Variants in OSBPL9 observed in about 807,000 individuals in gnomAD.
OSBPL9 encodes oxysterol-binding protein-related protein 9.
OSBPL9 carries 40 observed loss-of-function variants against 106.6 expected under a neutral mutation model. The ratio of observed to expected loss-of-function variants is 0.38; its 90% confidence interval spans 0.29 to 0.49. The LOEUF is 0.49. Ranked by LOEUF, OSBPL9 falls within the 20% of genes least tolerant of loss-of-function variation. OSBPL9 has a pLI of 0.97. For synonymous variants in OSBPL9, 269 were observed against 295.4 expected, an observed-to-expected ratio of 0.91 and a Z score of 0.92; for missense variants, 609 against 887.2, an observed-to-expected ratio of 0.69 and a Z score of 3.98.
At chr1:51,524,998 C>G in the OSBPL9 span, among the ~76,000 whole-genome samples, 12 of 152,340 alleles carry the variant, frequency 7.9e-5, no homozygotes, top group Admixed American at 2.0e-4. Context: ...AATCACAAGG[C>G]AAGTCAGAGG....
upstream of OSBPL9, among the ~76,000 whole-genome samples, chr1:51,572,794 T>C (rs1645158195): frequency 6.6e-6 from 1 of 152,254 alleles, no homozygotes; most frequent in African/African-American, 2.4e-5. Context: ...ACTCCTGTTA[T>C]TCAATGAATG....
chr1:51,680,234 A>G (rs1440490455), intron 3 of OSBPL9, among the ~76,000 whole-genome samples: 32 of 151,208 alleles, frequency 2.1e-4, no homozygotes, highest in Admixed American at 2.1e-3. Context: ...CAGCCTGGGC[A>G]ACAGAGTGAG....
intron 6 of OSBPL9, among the ~76,000 whole-genome samples, chr1:51,747,789 T>C (rs1175151877): frequency 1.3e-5 from 2 of 152,072 alleles, no homozygotes; most frequent in African/African-American, 4.8e-5. Flanking sequence ...TTTTTTGTTG[T>C]TGTTTTTTGT....
At chr1:51,748,065 C>T (rs545798265) in intron 6 of OSBPL9, among the ~76,000 whole-genome samples, 2 of 152,142 alleles carry the variant, frequency 1.3e-5, no homozygotes, top group South Asian at 2.1e-4. Context: ...CTGGGATTAC[C>T]GGCTCAAGCC....
the OSBPL9 span, among the ~76,000 whole-genome samples, chr1:51,531,040 G>A: frequency 6.6e-6 from 1 of 152,054 alleles, no homozygotes; most frequent in Admixed American, 6.6e-5. Flanking sequence ...TTGGGAGGCC[G>A]AGACAGGCAG....
intron 1 of OSBPL9, among the ~76,000 whole-genome samples, chr1:51,628,079 G>A (rs1305305768): frequency 1.4e-5 from 2 of 146,480 alleles, no homozygotes; most frequent in African/African-American, 5.1e-5. Context: ...TTTTTGGAAA[G>A]GACTATTGCA....
chr1:51,770,577 C>T (rs551428616), intron 12 of OSBPL9, among the ~76,000 whole-genome samples: 1 of 152,206 alleles, frequency 6.6e-6, no homozygotes, highest in African/African-American at 2.4e-5. Context: ...CATGCCTGGC[C>T]CCAGTTCTGT....
the OSBPL9 span, among the ~76,000 whole-genome samples, chr1:51,529,242 AT>A: frequency 4.2e-3 from 604 of 144,630 alleles, no homozygotes; most frequent in Middle Eastern, 7.2e-3. Flanking sequence ...ATGCTTCCTG[AT>A]TTTTTTTTTT....
the OSBPL9 span, among the ~76,000 whole-genome samples, chr1:51,559,368 G>A: frequency 5.9e-5 from 9 of 151,858 alleles, no homozygotes; most frequent in Non-Finnish European, 8.8e-5. Flanking sequence ...AAACATGCTC[G>A]CAAGGGTAAT....
intron 3 of OSBPL9, among the ~76,000 whole-genome samples, chr1:51,679,596 A>G (rs1237878774): frequency 6.6e-6 from 1 of 152,210 alleles, no homozygotes; most frequent in Non-Finnish European, 1.5e-5. Flanking sequence ...AAACTCCAGA[A>G]ATAAACAATT....
the OSBPL9 span, among the ~76,000 whole-genome samples, chr1:51,568,242 C>T: frequency 1.2e-4 from 19 of 152,184 alleles, no homozygotes; most frequent in Non-Finnish European, 2.4e-4. Context: ...ATTGACCAAA[C>T]CCAACCAGAA....
At chr1:51,731,053 C>T (rs1664268697) in intron 4 of OSBPL9, among the ~76,000 whole-genome samples, 1 of 151,178 alleles carries the variant, frequency 6.6e-6, no homozygotes. Context: ...TACTCCCCCC[C>T]ACCTTTTTTT....
chr1:51,735,887 T>A (rs1665574567), intron 4 of OSBPL9, among the ~76,000 whole-genome samples: 1 of 152,236 alleles, frequency 6.6e-6, no homozygotes, highest in Admixed American at 6.5e-5. Flanking sequence ...TAGTTTCTCT[T>A]TCTTCTTAAA....
upstream of OSBPL9, among the ~76,000 whole-genome samples, chr1:51,574,660 G>T (rs1645173135): frequency 1.3e-5 from 2 of 151,858 alleles, no homozygotes; most frequent in Admixed American, 1.3e-4. Flanking sequence ...TGGTGGTTGG[G>T]TGATCATAGA....
chr1:51,612,807 TG>T (rs1391953318), upstream of OSBPL9, among the ~76,000 whole-genome samples: 2 of 152,242 alleles, frequency 1.3e-5, no homozygotes, highest in Non-Finnish European at 2.9e-5. Context: ...AACTGAGAAG[TG>T]ATCAAGACAT....
the OSBPL9 span, among the ~76,000 whole-genome samples, chr1:51,546,585 TACTCAG>T: frequency 6.6e-6 from 1 of 151,510 alleles, no homozygotes; most frequent in African/African-American, 2.4e-5. Flanking sequence ...TAGTCCCAGC[TACTCAG>T]GAGGCTGAGA....
rs562211861 is a variant in OSBPL9 at position 51,726,161 on chromosome 1, C to CA, written c.318+12083dup. Among the ~76,000 whole-genome samples, 189 of 152,220 alleles carry CA rather than the reference C, an allele frequency of 1.2e-3. 3 individuals carry two copies. Among genetic ancestry groups the CA allele is most frequent in the African/African-American group, 4.3e-3 (178 of 41,522 alleles). ...AGTGGTTCCCATGGGTGCTGGTTCC[C>CA]ATGGAGGTTGCCCCTTGTGAGTTTT... On this transcript the variant is annotated intron_variant, in intron 4 of 23. Coordinates refer to ENST00000428468, the MANE Select transcript of OSBPL9 (RefSeq NM_024586.6).
At chr1:51,551,333 C>G in the OSBPL9 span, among the ~76,000 whole-genome samples, 3 of 152,100 alleles carry the variant, frequency 2.0e-5, no homozygotes, top group Non-Finnish European at 4.4e-5. Context: ...GTAGTGGGAT[C>G]CAATTCATTT....
the OSBPL9 span, among the ~76,000 whole-genome samples, chr1:51,556,188 ACTGT>A: frequency 6.6e-6 from 1 of 152,166 alleles, no homozygotes; most frequent in Non-Finnish European, 1.5e-5. Flanking sequence ...GGTAAAGCAC[ACTGT>A]CTAGCAGTTA....
Sources: allele counts gnomAD v4.1 joint callset (sites outside exome capture counted in the v4.1 genomes callset), GRCh38; gene constraint gnomAD v4.1.1; transcripts MANE v1.5; gene names NCBI Gene and HGNC (gene_info 2026-07-23, HGNC 2026-07-21).